TAF3: variants seen among roughly 807,000 people sequenced by gnomAD.
The protein encoded by TAF3 is TATA-box binding protein associated factor 3.
Under a neutral mutation model 80.6 loss-of-function variants are expected in TAF3, and 7 were observed. That is an observed-to-expected ratio of 0.09 (90% confidence interval 0.05 to 0.16). The LOEUF is 0.16. Ranked by LOEUF, TAF3 falls within the 10% of genes least tolerant of loss-of-function variation. The pLI, the probability that TAF3 is intolerant of heterozygous loss-of-function variation, is 1.00. For synonymous variants in TAF3, 444 were observed against 446.1 expected (o/e 1.00, Z 0.06); for missense variants, 921 against 1,140.2 (o/e 0.81, Z 2.77).
intron 2 of TAF3, among the ~76,000 whole-genome samples, chr10:7,948,240 C>G (rs1420800089): frequency 6.8e-6 from 1 of 146,920 alleles, no homozygotes; most frequent in Non-Finnish European, 1.5e-5. Context: ...TTTTTTTTTT[C>G]TTTTCTTTTC....
chr10:7,992,308 T>C (rs1254332637), intron 4 of TAF3, among the ~76,000 whole-genome samples: 2 of 152,218 alleles, frequency 1.3e-5, no homozygotes, highest in Non-Finnish European at 2.9e-5. Context: ...TTTTGAAAAG[T>C]TGATCTGCAT....
At chr10:7,979,349 A>C (rs1189929404) in intron 4 of TAF3, among the ~76,000 whole-genome samples, 5 of 125,116 alleles carry the variant, frequency 4.0e-5, no homozygotes, top group African/African-American at 1.4e-4. Context: ...GTCTCAAAAA[A>C]TGAAAAAAAA....
chr10:7,823,091 C>A (rs904404275), intron 1 of TAF3, among the ~76,000 whole-genome samples: 3 of 152,118 alleles, frequency 2.0e-5, no homozygotes, highest in Non-Finnish European at 4.4e-5. Flanking sequence ...CCAGCCTGGG[C>A]AGCAGAGTGA....
rs746917374 is a variant in TAF3, at chr10:8,009,350, G to A, written c.2568+20G>A. On this transcript the variant is annotated intron_variant, in intron 5 of 6. Transcript: ENST00000344293. The surrounding 1 kb of genome is among the most constrained non-coding windows in gnomAD (Gnocchi z 4.1). Reference sequence around the variant, plus strand: ...TACGTGGTGCGTACCTGCCGCCCGCGCGGTTAGCATGGAGACGTTTTCAGA... The same window carrying A: ...TACGTGGTGCGTACCTGCCGCCCGCACGGTTAGCATGGAGACGTTTTCAGA... 3.3e-5 allele frequency: 53 copies of A among 1,584,682 alleles called. No homozygotes were observed. The highest frequency in any genetic ancestry group is 4.2e-5 in the Non-Finnish European group (49 of 1,165,438).
intron 2 of TAF3, among the ~76,000 whole-genome samples, chr10:7,950,655 G>T (rs11255456): frequency 0.36 from 54,950 of 152,100 alleles, 11,139 homozygotes; most frequent in East Asian, 0.49. Context: ...ATTATGCACA[G>T]ATTCTGTTTC....
intron 2 of TAF3, among the ~76,000 whole-genome samples, chr10:7,950,706 T>A (rs1399924339): frequency 1.3e-5 from 2 of 152,228 alleles, no homozygotes; most frequent in Non-Finnish European, 2.9e-5. Context: ...AAAAATTCAG[T>A]CGCATGCGTT....
intron 4 of TAF3, among the ~76,000 whole-genome samples, chr10:8,007,684 C>A (rs1832010328): frequency 6.8e-6 from 1 of 148,114 alleles, no homozygotes; most frequent in Non-Finnish European, 1.5e-5. Context: ...AGCTGCCACC[C>A]GTTTACTCAA....
intron 2 of TAF3, among the ~76,000 whole-genome samples, chr10:7,868,431 G>A (rs928835610): frequency 2.0e-5 from 3 of 152,078 alleles, no homozygotes. Flanking sequence ...AGTGGAGGCA[G>A]TGTGACATAG....
chr10:8,005,833 A>G (rs1304669602), intron 4 of TAF3, among the ~76,000 whole-genome samples: 3 of 152,230 alleles, frequency 2.0e-5, no homozygotes, highest in Admixed American at 1.3e-4. Flanking sequence ...CCTTTTATGT[A>G]AGGCAAACCT....
At chr10:7,936,696 G>A (rs555054901) in intron 2 of TAF3, among the ~76,000 whole-genome samples, 1 of 152,188 alleles carries the variant, frequency 6.6e-6, no homozygotes, top group East Asian at 1.9e-4. Flanking sequence ...AGTCAGCAGA[G>A]ACCACAGTTT....
intron 4 of TAF3, among the ~76,000 whole-genome samples, chr10:7,998,458 C>T (rs566344060): frequency 9.9e-5 from 15 of 152,088 alleles, no homozygotes; most frequent in African/African-American, 3.4e-4. Flanking sequence ...TAAAATTGGT[C>T]AACAATCTGT....
intron 2 of TAF3, among the ~76,000 whole-genome samples, chr10:7,888,390 TAAAAA>T (rs769982394): frequency 6.6e-6 from 1 of 151,680 alleles, no homozygotes; most frequent in Non-Finnish European, 1.5e-5. Context: ...TCTAAATTTA[TAAAAA>T]AAAAGTTTCT....
rs537043728 is a variant in TAF3, at chr10:7,827,085, G to A, written c.409+2525G>A. Among the ~76,000 whole-genome samples, 7 of 152,218 alleles carry A rather than the reference G, an allele frequency of 4.6e-5. 1 individual carries two copies. The South Asian group carries it at 1.5e-3, about 32-fold the overall frequency. On this transcript the variant is annotated intron_variant, in intron 2 of 6. Coordinates refer to ENST00000344293, the MANE Select transcript of TAF3 (RefSeq NM_031923.4). ...ACTCAGCTTGGTTCATGTCAAAAAA[G>A]CCTGTGAAAGTCTCCCTCCACAGCA...
chr10:7,875,285 A>G (rs1257381756), intron 2 of TAF3, among the ~76,000 whole-genome samples: 1 of 152,152 alleles, frequency 6.6e-6, no homozygotes, highest in Non-Finnish European at 1.5e-5. Context: ...CTTTCTGGAA[A>G]TTGTAAACTT....
At chr10:7,914,889 G>T (rs1837693748) in intron 2 of TAF3, among the ~76,000 whole-genome samples, 2 of 148,964 alleles carry the variant, frequency 1.3e-5, no homozygotes, top group Non-Finnish European at 3.0e-5. Flanking sequence ...GACCACATGT[G>T]CCTGCCACAC....
In TAF3 at chr10:8,001,458, C is replaced by CT. The variant is rs76917742; in HGVS notation, c.2316-7614dup. On this transcript the variant is annotated intron_variant, in intron 4 of 6. Coordinates refer to ENST00000344293, the MANE Select transcript of TAF3 (RefSeq NM_031923.4). ...TCATGTTTGAATAAGAACATTAATT[C>CT]TTTTTTATTCACAACAGCTGTTTAT... Among the ~76,000 whole-genome samples, 703 of 152,050 alleles carry CT rather than the reference C, an allele frequency of 4.6e-3. 7 individuals carry two copies. The highest frequency in any genetic ancestry group is 0.028 in the East Asian group (146 of 5,178).
At chr10:7,868,995 C>T (rs76653315) in intron 2 of TAF3, among the ~76,000 whole-genome samples, 2,297 of 152,142 alleles carry the variant, frequency 0.015, 40 homozygotes, top group Non-Finnish European at 0.021. Flanking sequence ...CTAGCAAGGT[C>T]CTTCCAAGAT....
intron 4 of TAF3, among the ~76,000 whole-genome samples, chr10:7,997,180 C>A (rs1424441927): frequency 6.6e-6 from 1 of 152,212 alleles, no homozygotes; most frequent in Admixed American, 6.5e-5. Context: ...CTATAAAATT[C>A]ATGGAAGTGG....
intron 2 of TAF3, among the ~76,000 whole-genome samples, chr10:7,827,184 C>T (rs1207648206): frequency 6.6e-6 from 1 of 152,178 alleles, no homozygotes; most frequent in Non-Finnish European, 1.5e-5. Flanking sequence ...GCGTGGACCT[C>T]ACGGCATCAC....
Sources: allele counts gnomAD v4.1 joint callset (sites outside exome capture counted in the v4.1 genomes callset), GRCh38; gene constraint gnomAD v4.1.1; non-coding constraint Gnocchi (gnomAD v3.1); transcripts MANE v1.5; gene names NCBI Gene and HGNC (gene_info 2026-07-23, HGNC 2026-07-21).